Variants in CCDC60 observed in about 807,000 individuals in gnomAD.
CCDC60 encodes the protein coiled-coil domain-containing protein 60.
A neutral mutation model predicts 63.5 loss-of-function variants in CCDC60; 54 were observed. That is an observed-to-expected ratio of 0.85 (90% CI 0.68 to 1.07). CCDC60 has a LOEUF of 1.07. Among genes scored for constraint, CCDC60 ranks in the 50% least tolerant of loss-of-function variants. The probability of loss-of-function intolerance (pLI) is 0.00; values close to 1 mark genes in which losing one functional copy is unlikely to be tolerated. For synonymous variants in CCDC60, 206 were observed against 238.8 expected, an observed-to-expected ratio of 0.86 and a Z score of 1.27; for missense variants, 651 against 684.3, an observed-to-expected ratio of 0.95 and a Z score of 0.54.
chr12:119,418,980 C>T (rs1193875777), intron 1 of CCDC60, among the ~76,000 whole-genome samples: 4 of 152,220 alleles, frequency 2.6e-5, no homozygotes, highest in East Asian at 3.8e-4. Flanking sequence ...CTGTTGACAC[C>T]GCCAGCATCC....
At chr12:119,495,506 G>A (rs1363989265) in intron 5 of CCDC60, among the ~76,000 whole-genome samples, 2 of 152,208 alleles carry the variant, frequency 1.3e-5, no homozygotes, top group Non-Finnish European at 2.9e-5. Flanking sequence ...AACCTCTGCT[G>A]TGGCGTTTAT....
At chr12:119,454,757 G>A (rs1950693812) in intron 2 of CCDC60, among the ~76,000 whole-genome samples, 1 of 152,170 alleles carries the variant, frequency 6.6e-6, no homozygotes, top group Non-Finnish European at 1.5e-5. Flanking sequence ...AATCACTATG[G>A]CTTAAACAAA....
In CCDC60 at chr12:119,398,521, G is replaced by A. The variant is rs533750617; in HGVS notation, c.91-30162G>A. The stretch of plus-strand genomic sequence containing the variant: ...TCAGGCTGAAGGGCTCCTCAAGCGC[G>A]GCCAGAGTAGGCACCAAGGCCGAGG... On this transcript the variant is annotated intron_variant, in intron 1 of 13. Transcript: ENST00000327554. 7.2e-5 allele frequency among the ~76,000 whole-genome samples: 11 copies of A among 152,350 alleles called. No homozygotes were observed. In the South Asian group the frequency reaches 1.2e-3, roughly 17 times the overall value.
rs1203748604 is a variant in CCDC60 at position 119,441,592 on chromosome 12, C to T, written c.170+12830C>T. On this transcript the variant is annotated intron_variant, in intron 2 of 13. Transcript: ENST00000327554. The stretch of plus-strand genomic sequence containing the variant: ...AGAAAATCACTCTCCTGACTTCTAA[C>T]ATTTAGATTTGTTCCTCTTGTCTTG... Among the ~76,000 whole-genome samples, 5 of 152,318 alleles carry T rather than the reference C, an allele frequency of 3.3e-5. No individual in the cohort carries two copies. The South Asian group carries it at 8.3e-4, about 25-fold the overall frequency.
chr12:119,528,747 G>C lies in CCDC60; in HGVS notation c.1361+1G>C. Reference sequence around the variant, plus strand: ...ATGCAGAAGAAATTGCAGACCACTGGTAAATATCCTAAGAACCAGATAAGA... The same window carrying C: ...ATGCAGAAGAAATTGCAGACCACTGCTAAATATCCTAAGAACCAGATAAGA... On this transcript the variant is annotated splice_donor_variant, in intron 12 of 13. Transcript: ENST00000327554. LOFTEE classifies it high-confidence loss of function. 1 of 1,612,932 alleles carries C rather than the reference G, an allele frequency of 6.2e-7. No individual in the cohort carries two copies. The highest frequency in any genetic ancestry group is 1.1e-5 in the South Asian group (1 of 90,818).
At chr12:119,395,515 A>G (rs1956236274) in intron 1 of CCDC60, among the ~76,000 whole-genome samples, 1 of 152,224 alleles carries the variant, frequency 6.6e-6, no homozygotes, top group South Asian at 2.1e-4. Flanking sequence ...ACTCACTATC[A>G]TGAGAACGGC....
intron 1 of CCDC60, among the ~76,000 whole-genome samples, chr12:119,350,240 C>G (rs139555867): frequency 0.026 from 3,977 of 151,980 alleles, 64 homozygotes; most frequent in Non-Finnish European, 0.041. Flanking sequence ...CTCTGTCACC[C>G]AGGCTGGAGT....
chr12:119,428,547 G>T, intron 1 of CCDC60, 136 bp from the exon 2 acceptor site: 1 of 598,732 alleles, frequency 1.7e-6, no homozygotes, highest in South Asian at 2.1e-5. Flanking sequence ...TGGTGTCAAG[G>T]TAGACTCTGT....
At position 119,368,852 on chromosome 12, in the gene CCDC60, A is replaced by C. The variant is rs139882556; in HGVS notation, c.90+33586A>C. Among the ~76,000 whole-genome samples, 684 of 152,232 alleles carry C rather than the reference A, an allele frequency of 4.5e-3. 6 individuals carry two copies. The highest frequency in any genetic ancestry group is 0.016 in the African/African-American group (648 of 41,516). ...CGCCACTTTATCTGTAATACCCCAA[A>C]TTTAATTGGTGCTAATTATTTCTCT... On this transcript the variant is annotated intron_variant, in intron 1 of 13. Transcript: ENST00000327554.
chr12:119,374,160 A>G (rs1282349919), intron 1 of CCDC60, among the ~76,000 whole-genome samples: 3 of 152,206 alleles, frequency 2.0e-5, no homozygotes, highest in Admixed American at 6.5e-5. Flanking sequence ...CAGCTCTGCC[A>G]CTTAATGGCT....
At position 119,540,656 on chromosome 12, in the gene CCDC60, A is replaced by G. The variant is rs888851373; in HGVS notation, c.1594A>G (p.Ile532Val). The change falls in exon 14 of 14, where the codon ATC becomes GTC. Residue 532 changes from isoleucine to valine, a missense_variant. Physicochemically the swap from Ile to Val is conservative, Grantham distance 29. Coordinates refer to ENST00000327554, the MANE Select transcript of CCDC60 (RefSeq NM_178499.5). ...CATCCATATGCCTCAAGAGGATTAC[A>G]TCAGCTGGCTGCAGAGCCGGATCAA... ...HIIHMPQEDY[I>V]SWLQSRINIP... The G allele has an allele frequency of 6.2e-6, 10 of 1,613,956 alleles. No homozygotes were observed. The highest frequency in any genetic ancestry group is 7.6e-6 in the Non-Finnish European group (9 of 1,180,016).
chr12:119,477,301 C>T (rs1951196994), intron 3 of CCDC60, among the ~76,000 whole-genome samples: 1 of 152,232 alleles, frequency 6.6e-6, no homozygotes, highest in Non-Finnish European at 1.5e-5. Flanking sequence ...CATAGACCTA[C>T]CTCTCGATTG....
At position 119,523,786 on chromosome 12, in the gene CCDC60, C is replaced by T. The variant is rs1952599087; in HGVS notation, c.1197C>T (p.Phe399=). 1.9e-6 allele frequency: 3 copies of T among 1,614,092 alleles called. No homozygotes were observed. In the South Asian group the frequency reaches 3.3e-5, roughly 18 times the overall value. Residue 399 remains phenylalanine (F), a synonymous_variant, in exon 11 of 14, where the codon TTC becomes TTT. Transcript: ENST00000327554. ...KFYSVAQEAG[F]CLQDKMEILM... ...ACAGCGTAGCCCAGGAGGCTGGCTT[C>T]TGCCTGCAGGACAAGATGGAAATCC... is the stretch of plus-strand genomic sequence containing the variant.
At chr12:119,423,548 ATCCCTTCTCTCAT>A (rs1776786925) in intron 1 of CCDC60, among the ~76,000 whole-genome samples, 1 of 152,282 alleles carries the variant, frequency 6.6e-6, no homozygotes, top group Non-Finnish European at 1.5e-5. Flanking sequence ...AGGGCATTTC[ATCCCTTCTCTCAT>A]TCGGCTTATG....
intron 1 of CCDC60, among the ~76,000 whole-genome samples, chr12:119,396,963 T>C (rs554963968): frequency 1.1e-4 from 16 of 152,346 alleles, no homozygotes; most frequent in African/African-American, 3.8e-4. Flanking sequence ...GATGTTCAGA[T>C]GTGTCCAGAG....
intron 1 of CCDC60, among the ~76,000 whole-genome samples, chr12:119,396,261 G>C (rs535243940): frequency 6.6e-6 from 1 of 152,224 alleles, no homozygotes; most frequent in East Asian, 1.9e-4. Context: ...TTCTTATAAA[G>C]ACACCAGCCA....
intron 1 of CCDC60, among the ~76,000 whole-genome samples, chr12:119,393,205 C>A (rs1421295815): frequency 6.6e-6 from 1 of 152,104 alleles, no homozygotes; most frequent in African/African-American, 2.4e-5. Context: ...ACTCACCATA[C>A]ATTTTACGGC....
At chr12:119,412,271 TAA>T (rs375576526) in intron 1 of CCDC60, among the ~76,000 whole-genome samples, 1 of 145,996 alleles carries the variant, frequency 6.8e-6, no homozygotes, top group African/African-American at 2.5e-5. Flanking sequence ...CTCTTCACAT[TAA>T]AAAAAAAAAA....
intron 1 of CCDC60, among the ~76,000 whole-genome samples, chr12:119,338,270 T>C (rs1189189916): frequency 6.6e-6 from 1 of 152,118 alleles, no homozygotes; most frequent in Non-Finnish European, 1.5e-5. Flanking sequence ...TATGTAGAGA[T>C]CAGGATTGAT....
Sources: allele counts gnomAD v4.1 joint callset (sites outside exome capture counted in the v4.1 genomes callset), GRCh38; gene constraint gnomAD v4.1.1; transcripts MANE v1.5; gene names NCBI Gene and HGNC (gene_info 2026-07-23, HGNC 2026-07-21).